The following MIX23 variants were observed in gnomAD, a reference collection of about 807,000 sequenced individuals.
MIX23 encodes the protein protein MIX23.
MIX23 carries 13 observed loss-of-function variants against 21.6 expected under a neutral mutation model. The observed-to-expected ratio is 0.60, with a 90% CI of 0.39 to 0.96. The LOEUF (loss-of-function observed/expected upper bound fraction) is 0.96, where lower values mean the gene tolerates loss of function less well. Ranked by LOEUF, MIX23 falls within the 40% of genes least tolerant of loss-of-function variation. MIX23 has a pLI of 0.00. For missense variants in MIX23, 144 were observed against 171.2 expected (o/e 0.84, Z 0.89); for synonymous variants, 59 against 58.0 (o/e 1.02, Z -0.08).
intron 3 of MIX23, 73 bp from the exon 4 acceptor site, chr3:122,363,100 A>C: frequency 7.6e-7 from 1 of 1,322,226 alleles, no homozygotes. Context: ...TAAAATTTAA[A>C]GAGCTAAAAC....
rs1290347483 is a variant in MIX23 at position 122,368,220 on chromosome 3, C to T, written c.280G>A (p.Asp94Asn). The change falls in exon 3 of 5, where the codon GAC becomes AAC. Residue 94 changes from aspartate to asparagine, a missense_variant. By Grantham distance (23) the Asp-to-Asn change is conservative. Coordinates refer to ENST00000291458, the MANE Select transcript of MIX23 (RefSeq NM_001017928.4). Reference protein sequence around the residue: ...NLREEREKNLDDLTLLKQLRK... With the variant: ...NLREEREKNLNDLTLLKQLRK... ...AGTTGTTTTAATAACGTTAAATCGT[C>T]CAAATTCTTTTCTCTCTCTTCTCGG... The T allele has an allele frequency of 1.9e-6, 3 of 1,610,164 alleles. No homozygotes were observed. Among genetic ancestry groups the T allele is most frequent in the Non-Finnish European group, 2.5e-6 (3 of 1,179,654 alleles).
intron 4 of MIX23, 102 bp from the exon 5 acceptor site, chr3:122,360,021 T>TTGTC (rs2075346556): frequency 8.7e-7 from 1 of 1,145,020 alleles, no homozygotes; most frequent in African/African-American, 1.6e-5. Context: ...ATTACCATTT[T>TTGTC]TGTCCTAAGT....
chr3:122,381,745 A>G (rs1023195936), intron 1 of MIX23, among the ~76,000 whole-genome samples: 1 of 148,028 alleles, frequency 6.8e-6, no homozygotes, highest in African/African-American at 2.5e-5. Context: ...AAAAAAAAAA[A>G]GAAGAGGAGG....
In MIX23 at chr3:122,371,758, G is replaced by A; in HGVS notation, c.94C>T (p.His32Tyr). Residue 32 changes from histidine (H) to tyrosine (Y), a missense_variant, in exon 2 of 5, where the codon CAT becomes TAT. Coordinates refer to ENST00000291458, the MANE Select transcript of MIX23 (RefSeq NM_001017928.4). Reference sequence around the variant, plus strand: ...GTTGGAACCGTAGTGTTTAATTCATGTACTATTCTGTCATCAATTGTCCTC... The same window carrying A: ...GTTGGAACCGTAGTGTTTAATTCATATACTATTCTGTCATCAATTGTCCTC... ...VMRTIDDRIVHELNTTVPTAS... is the reference protein window; with the variant it reads ...VMRTIDDRIVYELNTTVPTAS... The A allele has an allele frequency of 6.2e-7, 1 of 1,608,764 alleles. No individual in the cohort carries two copies. The highest frequency in any genetic ancestry group is 8.5e-7 in the Non-Finnish European group (1 of 1,175,434).
rs1279490783 is a variant in MIX23 at position 122,362,956 on chromosome 3, A to C, written c.384+12T>G. On this transcript the variant is annotated intron_variant, in intron 4 of 4. Transcript: ENST00000291458. ...CTCCTACTTCTTTCCAAACACCAAC[A>C]TTATTTTATACCTTCCAGCTCCTGT... 10 of 1,610,990 alleles carry C rather than the reference A, an allele frequency of 6.2e-6. No homozygotes were observed.
chr3:122,373,291 A>C (rs1192170992), intron 1 of MIX23, among the ~76,000 whole-genome samples: 1 of 147,790 alleles, frequency 6.8e-6, no homozygotes, highest in Non-Finnish European at 1.5e-5. Context: ...TTTTTTTTTG[A>C]GACAGGGTCT....
At chr3:122,367,983 A>C in intron 3 of MIX23, 193 bp downstream of exon 3, 1 of 568,446 alleles carries the variant, frequency 1.8e-6, no homozygotes, top group Non-Finnish European at 3.1e-6. Context: ...TTGTTCAAGA[A>C]GTGCACATTA....
At chr3:122,365,141 A>G (rs1056899798) in intron 3 of MIX23, among the ~76,000 whole-genome samples, 3 of 152,242 alleles carry the variant, frequency 2.0e-5, no homozygotes, top group Non-Finnish European at 4.4e-5. Flanking sequence ...ATGTGACAGC[A>G]GTTATAGAGG....
chr3:122,381,602 C>T (rs2075532063), intron 1 of MIX23, among the ~76,000 whole-genome samples: 1 of 151,914 alleles, frequency 6.6e-6, no homozygotes, highest in Non-Finnish European at 1.5e-5. Flanking sequence ...GTGGTAGGCG[C>T]CTATAATCCC....
rs771642830 is a variant in MIX23, at chr3:122,362,980, G to A, written c.372C>T (p.Asp124=). 86 of 1,611,788 alleles carry A rather than the reference G, an allele frequency of 5.3e-5. No homozygotes were observed. In the South Asian group the frequency reaches 9.2e-4, roughly 17 times the overall value. The change falls in exon 4 of 5, where the codon GAC becomes GAT. Residue 124 remains aspartate, a synonymous_variant. Coordinates refer to ENST00000291458, the MANE Select transcript of MIX23 (RefSeq NM_001017928.4). Reference sequence around the variant, plus strand: ...CATTATTTTATACCTTCCAGCTCCTGTCATTTACCACTTCTTCAACATTCA... The same window carrying A: ...CATTATTTTATACCTTCCAGCTCCTATCATTTACCACTTCTTCAACATTCA... ...SELNVEEVVN[D]RSWKVFNERC... is the part of the protein sequence containing the mutation.
intron 1 of MIX23, among the ~76,000 whole-genome samples, chr3:122,381,772 C>A (rs571360651): frequency 1.1e-3 from 168 of 150,948 alleles, no homozygotes; most frequent in African/African-American, 4.1e-3. Context: ...TAGCAGAGAT[C>A]CTTCTCCTTC....
chr3:122,359,706 G>T lies in MIX23; in HGVS notation c.*163C>A. ...ATAATTATCAGAATTATTTATACTT[G>T]AGGTCTTGGCTAAGTGGGGCTGAAA... is the stretch of plus-strand genomic sequence containing the variant. On this transcript the variant is annotated 3_prime_UTR_variant, in exon 5 of 5. Coordinates refer to ENST00000291458, the MANE Select transcript of MIX23 (RefSeq NM_001017928.4). 2.3e-6 allele frequency: 1 copy of T among 436,504 alleles called. No individual in the cohort carries two copies. The highest frequency in any genetic ancestry group is 3.7e-6 in the Non-Finnish European group (1 of 267,590). The allele number at this position is 436,504 out of a possible 1,614,324, so 27.0% of individuals were successfully genotyped here.
intron 4 of MIX23, among the ~76,000 whole-genome samples, chr3:122,361,026 G>A (rs1202303283): frequency 6.6e-6 from 1 of 152,012 alleles, no homozygotes; most frequent in African/African-American, 2.4e-5. Flanking sequence ...TGTATTTTTA[G>A]TAGAGACGGG....
chr3:122,364,514 G>C (rs781314982), intron 3 of MIX23, among the ~76,000 whole-genome samples: 6 of 152,130 alleles, frequency 3.9e-5, no homozygotes, highest in South Asian at 2.1e-4. Context: ...TGTAGAAAAG[G>C]GTTCAGAATT....
At chr3:122,373,761 C>A (rs2075461381) in intron 1 of MIX23, among the ~76,000 whole-genome samples, 1 of 152,140 alleles carries the variant, frequency 6.6e-6, no homozygotes, top group Admixed American at 6.5e-5. Context: ...AATTTAATGG[C>A]CTTTTCTATA....
At chr3:122,372,040 A>C (rs1401120248) in intron 1 of MIX23, among the ~76,000 whole-genome samples, 1 of 152,116 alleles carries the variant, frequency 6.6e-6, no homozygotes, top group Admixed American at 6.5e-5. Flanking sequence ...GATTGTCTTA[A>C]GGGTTAAGAC....
chr3:122,364,464 T>C (rs2075381869), intron 3 of MIX23, among the ~76,000 whole-genome samples: 1 of 152,224 alleles, frequency 6.6e-6, no homozygotes. Flanking sequence ...GTCACTAAGA[T>C]AGTCTTCAAA....
rs1401262247 is a variant in MIX23 at position 122,359,900 on chromosome 3, C to T, written c.404G>A (p.Arg135Gln). 43 of 1,505,378 alleles carry T rather than the reference C, an allele frequency of 2.9e-5. No individual in the cohort carries two copies. Among genetic ancestry groups the T allele is most frequent in the South Asian group, 6.1e-5 (5 of 82,356 alleles). The allele number at this position is 1,505,378 out of a possible 1,614,324, so 93.3% of individuals were successfully genotyped here. ...RSWKVFNERC[R>Q]IHFKPPKNE ...ATTCTTTGGAGGCTTGAAGTGAATT[C>T]GGCAGCGTTCATTAAACACCTAAAA... is the stretch of plus-strand genomic sequence containing the variant. The change falls in exon 5 of 5, where the codon CGA (arginine) becomes CAA (glutamine). Residue 135 changes from arginine (R) to glutamine (Q), a missense_variant. By Grantham distance (43) the Arg-to-Gln change is conservative. Transcript: ENST00000291458.
chr3:122,375,592 T>C (rs2075479449), intron 1 of MIX23, among the ~76,000 whole-genome samples: 1 of 152,212 alleles, frequency 6.6e-6, no homozygotes. Context: ...TAGTTAGTTG[T>C]TGGAGTTGGG....
Sources: allele counts gnomAD v4.1 joint callset (sites outside exome capture counted in the v4.1 genomes callset), GRCh38; gene constraint gnomAD v4.1.1; transcripts MANE v1.5; gene names NCBI Gene and HGNC (gene_info 2026-07-23, HGNC 2026-07-21).